The following TRANK1 variants were observed in gnomAD, a reference collection of about 807,000 sequenced individuals.
The protein encoded by TRANK1 is TPR and ankyrin repeat-containing protein 1.
A neutral mutation model predicts 266.0 loss-of-function variants in TRANK1; 198 were observed. That is an observed-to-expected ratio of 0.74 (90% CI 0.66 to 0.84). The LOEUF is 0.84. Ranked by LOEUF, TRANK1 falls within the 40% of genes least tolerant of loss-of-function variation. The pLI is 0.00. For missense variants in TRANK1, 3,326 were observed against 3,634.6 expected, an observed-to-expected ratio of 0.92 and a Z score of 2.18; for synonymous variants, 1,396 against 1,384.1, an observed-to-expected ratio of 1.01 and a Z score of -0.19.
intron 9 of TRANK1, among the ~76,000 whole-genome samples, chr3:36,869,602 C>G (rs920227197): frequency 2.6e-5 from 4 of 152,232 alleles, no homozygotes; most frequent in Non-Finnish European, 5.9e-5. Flanking sequence ...GGATTAAGGT[C>G]CATAAAAACA....
At chr3:36,896,768 G>A (rs1445774033) in intron 4 of TRANK1, among the ~76,000 whole-genome samples, 1 of 152,178 alleles carries the variant, frequency 6.6e-6, no homozygotes, top group East Asian at 1.9e-4. Context: ...GCCAAGGCGG[G>A]CAGATCACCT....
At chr3:36,932,679 G>A (rs919094588) in intron 1 of TRANK1, among the ~76,000 whole-genome samples, 7 of 152,192 alleles carry the variant, frequency 4.6e-5, no homozygotes, top group Non-Finnish European at 7.3e-5. Context: ...CTTAGAGAAC[G>A]AGTTGAAGAG....
At chr3:36,881,184 G>C (rs1244723592) in intron 8 of TRANK1, among the ~76,000 whole-genome samples, 4 of 152,006 alleles carry the variant, frequency 2.6e-5, no homozygotes, top group African/African-American at 4.8e-5. Flanking sequence ...GGGTGTGGTA[G>C]CTCACACCTG....
At position 36,832,476 on chromosome 3, in the gene TRANK1, C is replaced by T; in HGVS notation, c.7107G>A (p.Lys2369=). The T allele has an allele frequency of 4.3e-6, 7 of 1,613,970 alleles. No homozygotes were observed. Among genetic ancestry groups the T allele is most frequent in the Non-Finnish European group, 5.9e-6 (7 of 1,179,890 alleles). Residue 2369 remains lysine (K), a synonymous_variant, in exon 22 of 24, where the codon AAG becomes AAA. Coordinates refer to ENST00000645898, the MANE Select transcript of TRANK1 (RefSeq NM_001329998.2). The part of the protein sequence containing the change: ...NRELKALESE[K]DERGRGRGSR... The stretch of plus-strand genomic sequence containing the variant: ...TGCCTCTCCCCCTGCCCCTTTCATC[C>T]TTTTCAGACTCTAGAGCTTTGAGTT...
At chr3:36,844,747 T>C (rs2078892993) in intron 17 of TRANK1, among the ~76,000 whole-genome samples, 1 of 152,120 alleles carries the variant, frequency 6.6e-6, no homozygotes. Flanking sequence ...CCCATCACAA[T>C]AGTCAAGTCT....
Position 36,828,270 on chromosome 3 carries a change from G to A in TRANK1, c.*5C>T, listed in dbSNP as rs1204364140. On this transcript the variant is annotated 3_prime_UTR_variant, in exon 24 of 24. Coordinates refer to ENST00000645898, the MANE Select transcript of TRANK1 (RefSeq NM_001329998.2). ...AAGGATGAGGAGGCTGCAGCTGTGTGGACATTAGTATTTTCTCTGCTTTCC... is the reference window on the plus strand; with the variant it reads ...AAGGATGAGGAGGCTGCAGCTGTGTAGACATTAGTATTTTCTCTGCTTTCC... 6.2e-7 allele frequency: 1 copy of A among 1,605,354 alleles called. No individual in the cohort carries two copies. Among genetic ancestry groups the A allele is most frequent in the Non-Finnish European group, 8.5e-7 (1 of 1,174,298 alleles).
At position 36,857,076 on chromosome 3, in the gene TRANK1, C is replaced by A; in HGVS notation, c.2646G>T (p.Leu882=). The A allele has an allele frequency of 1.2e-6, 2 of 1,614,058 alleles. No homozygotes were observed. Among genetic ancestry groups the A allele is most frequent in the African/African-American group, 1.3e-5 (1 of 75,074 alleles). The part of the protein sequence containing the change: ...TQGLQKRLKH[L]KGSIQLFEAK... Reference sequence around the variant, plus strand: ...CTTCGAAGAGCTGGATGCTTCCTTTCAGGTGCTTCAGTCGCTTCTGCAGGC... The same window carrying A: ...CTTCGAAGAGCTGGATGCTTCCTTTAAGGTGCTTCAGTCGCTTCTGCAGGC... Residue 882 remains leucine (L), a synonymous_variant, in exon 13 of 24, where the codon CTG becomes CTT. Transcript: ENST00000645898. The surrounding 1 kb of genome is among the most constrained non-coding windows in gnomAD (Gnocchi z 4.3).
In TRANK1 at chr3:36,885,836, G is replaced by A. The variant is rs182400621; in HGVS notation, c.907+3993C>T. On this transcript the variant is annotated intron_variant, in intron 8 of 23. Transcript: ENST00000645898. ...ATTACAGGCAGGAGGCACTGTGCTGGCCTAAACTTTGATTATACAGCATGC... is the reference window on the plus strand; with the variant it reads ...ATTACAGGCAGGAGGCACTGTGCTGACCTAAACTTTGATTATACAGCATGC... Among the ~76,000 whole-genome samples the A allele has an allele frequency of 1.8e-4, 27 of 152,258 alleles. 1 individual carries two copies. In the East Asian group the frequency reaches 3.7e-3, roughly 21 times the overall value.
At chr3:36,932,126 T>TA (rs895245478) in intron 1 of TRANK1, among the ~76,000 whole-genome samples, 1 of 152,044 alleles carries the variant, frequency 6.6e-6, no homozygotes, top group African/African-American at 2.4e-5. Context: ...GCAGAAATCA[T>TA]AAAAAAAGTA....
Position 36,833,324 on chromosome 3 carries a change from C to T in TRANK1, c.6259G>A (p.Gly2087Ser). ...PEKILGLAPGGLEILLSLVRA... is the reference protein window; with the variant it reads ...PEKILGLAPGSLEILLSLVRA... ...ACCAGACTGAGGAGGATTTCCAAGC[C>T]CCCTGGAGCCAGGCCCAGAATCTTC... Residue 2087 changes from glycine to serine, a missense_variant, in exon 22 of 24, where the codon GGC (glycine) becomes AGC (serine). Physicochemically the swap from Gly to Ser is moderately conservative, Grantham distance 56 (BLOSUM62 0). Coordinates refer to ENST00000645898, the MANE Select transcript of TRANK1 (RefSeq NM_001329998.2). 1.9e-6 allele frequency: 3 copies of T among 1,613,974 alleles called. No homozygotes were observed. Among genetic ancestry groups the T allele is most frequent in the Non-Finnish European group, 2.5e-6 (3 of 1,179,892 alleles).
intron 1 of TRANK1, among the ~76,000 whole-genome samples, chr3:36,923,109 A>G (rs1377604136): frequency 1.3e-5 from 2 of 152,126 alleles, no homozygotes; most frequent in Non-Finnish European, 2.9e-5. Flanking sequence ...TCTGCAGCCT[A>G]AGAACCATCC....
intron 17 of TRANK1, among the ~76,000 whole-genome samples, chr3:36,843,495 G>A (rs1017954469): frequency 2.0e-5 from 3 of 152,092 alleles, no homozygotes; most frequent in African/African-American, 7.2e-5. Context: ...CCTATTGGTG[G>A]ACAGAGACCA....
rs1167628668 is a variant in TRANK1 at position 36,903,006 on chromosome 3, A to G, written c.282+143T>C. The G allele has an allele frequency of 5.5e-6, 6 of 1,090,330 alleles. No individual in the cohort carries two copies. The African/African-American group carries it at 9.5e-5, about 17-fold the overall frequency. The allele number at this position is 1,090,330 out of a possible 1,614,324, so 67.5% of individuals were successfully genotyped here. Reference sequence around the variant, plus strand: ...ATTTCCACTTTTAAAAGGAATGGAAAGAGGCAGGCTAAAAGGAAGGAGGCA... The same window carrying G: ...ATTTCCACTTTTAAAAGGAATGGAAGGAGGCAGGCTAAAAGGAAGGAGGCA... On this transcript the variant is annotated intron_variant, in intron 3 of 23. Coordinates refer to ENST00000645898, the MANE Select transcript of TRANK1 (RefSeq NM_001329998.2).
intron 1 of TRANK1, among the ~76,000 whole-genome samples, chr3:36,924,864 C>G (rs924722306): frequency 6.6e-6 from 1 of 152,206 alleles, no homozygotes; most frequent in African/African-American, 2.4e-5. Flanking sequence ...GGAGCCCCCC[C>G]GGACAGAATC....
At chr3:36,866,671 T>A (rs1289889961) in intron 9 of TRANK1, among the ~76,000 whole-genome samples, 1 of 152,208 alleles carries the variant, frequency 6.6e-6, no homozygotes, top group Non-Finnish European at 1.5e-5. Flanking sequence ...ACAATATAAA[T>A]TCCCAGACAT....
At chr3:36,851,661 G>A in intron 15 of TRANK1, 58 bp downstream of exon 15, 3 of 1,552,818 alleles carry the variant, frequency 1.9e-6, no homozygotes, top group South Asian at 2.5e-5. Context: ...CTTCCCCAGA[G>A]GGAAGTTCAG....
intron 9 of TRANK1, among the ~76,000 whole-genome samples, chr3:36,867,883 C>T (rs1325599786): frequency 6.6e-6 from 1 of 152,242 alleles, no homozygotes; most frequent in East Asian, 1.9e-4. Context: ...ACCGGGGACA[C>T]TGTGTGGAGT....
intron 21 of TRANK1, chr3:36,834,487 C>A: frequency 3.1e-6 from 1 of 325,266 alleles, no homozygotes; most frequent in Non-Finnish European, 5.5e-6. Context: ...TGATGGAAGT[C>A]AGAATACGTC....
At chr3:36,943,042 T>C (rs1304133739) in intron 1 of TRANK1, among the ~76,000 whole-genome samples, 2 of 152,002 alleles carry the variant, frequency 1.3e-5, no homozygotes, top group Non-Finnish European at 2.9e-5. Flanking sequence ...TTAGTCAGGC[T>C]TGGTGGCGCC....
Sources: allele counts gnomAD v4.1 joint callset (sites outside exome capture counted in the v4.1 genomes callset), GRCh38; gene constraint gnomAD v4.1.1; non-coding constraint Gnocchi (gnomAD v3.1); transcripts MANE v1.5; gene names NCBI Gene and HGNC (gene_info 2026-07-23, HGNC 2026-07-21).